Variants in PAX3 observed in about 807,000 individuals in gnomAD.
PAX3 encodes the protein paired box 3, also known as paired box protein Pax-3.
A neutral mutation model predicts 51.6 loss-of-function variants in PAX3; 14 were observed. The ratio of observed to expected loss-of-function variants is 0.27; its 90% confidence interval spans 0.18 to 0.42. The LOEUF (loss-of-function observed/expected upper bound fraction) is 0.42. Ranked by LOEUF, PAX3 falls within the 10% of genes least tolerant of loss-of-function variation. PAX3 has a pLI of 1.00. For synonymous variants in PAX3, 280 were observed against 253.4 expected (o/e 1.11, Z -1.00); for missense variants, 540 against 642.8 (o/e 0.84, Z 1.73).
intron 4 of PAX3, among the ~76,000 whole-genome samples, chr2:222,286,869 T>C (rs570111747): frequency 2.6e-5 from 4 of 152,378 alleles, no homozygotes; most frequent in Admixed American, 2.0e-4. Flanking sequence ...TCAATAACTA[T>C]ATTTCATGAT....
intron 4 of PAX3, among the ~76,000 whole-genome samples, chr2:222,251,091 TTTTA>T (rs61280457): frequency 9.2e-5 from 14 of 151,828 alleles, no homozygotes; most frequent in African/African-American, 3.4e-4. Flanking sequence ...CACAATACAT[TTTTA>T]TTTATTTATT....
chr2:222,240,211 C>T (rs962763442), intron 4 of PAX3, among the ~76,000 whole-genome samples: 1 of 152,118 alleles, frequency 6.6e-6, no homozygotes, highest in Non-Finnish European at 1.5e-5. Flanking sequence ...CCGTGTGCTC[C>T]GTTGCTCCGG....
chr2:222,221,666 A>G (rs1692198131), intron 5 of PAX3: 1 of 405,764 alleles, frequency 2.5e-6, no homozygotes, highest in African/African-American at 2.0e-5. Flanking sequence ...GAGCAGGAGT[A>G]GGAACAACAG....
At chr2:222,263,376 T>G (rs968984202) in intron 4 of PAX3, 1 of 152,168 alleles carries the variant, frequency 6.6e-6, no homozygotes, top group African/African-American at 2.4e-5. Flanking sequence ...TTGTCCAACA[T>G]CATTAGCCAT....
At chr2:222,259,294 A>G (rs1266428118) in intron 4 of PAX3, among the ~76,000 whole-genome samples, 2 of 152,236 alleles carry the variant, frequency 1.3e-5, no homozygotes, top group East Asian at 3.8e-4. Context: ...ACTTCCTGAT[A>G]CATTCTGCGA....
chr2:222,210,324 A>G (rs916831081), intron 7 of PAX3, among the ~76,000 whole-genome samples: 1 of 152,200 alleles, frequency 6.6e-6, no homozygotes, highest in Admixed American at 6.5e-5. Flanking sequence ...TTGATGGTAC[A>G]TGATGTTTTA....
chr2:222,211,348 C>T (rs1246227807), intron 7 of PAX3, among the ~76,000 whole-genome samples: 1 of 152,158 alleles, frequency 6.6e-6, no homozygotes, highest in African/African-American at 2.4e-5. Context: ...AAATGCACAG[C>T]TAGTAAGTGG....
At chr2:222,229,936 C>G (rs1349331736) in intron 5 of PAX3, among the ~76,000 whole-genome samples, 1 of 152,124 alleles carries the variant, frequency 6.6e-6, no homozygotes, top group Non-Finnish European at 1.5e-5. Flanking sequence ...ATAATCCCAG[C>G]ACTTTGGGAA....
intron 3 of PAX3, among the ~76,000 whole-genome samples, chr2:222,294,650 A>G (rs1213901639): frequency 6.6e-6 from 1 of 151,444 alleles, no homozygotes; most frequent in African/African-American, 2.4e-5. Context: ...TCTGCAATCT[A>G]AGAGAATTCT....
intron 4 of PAX3, among the ~76,000 whole-genome samples, chr2:222,239,955 A>G (rs974033696): frequency 1.3e-5 from 2 of 151,968 alleles, no homozygotes; most frequent in African/African-American, 2.4e-5. Context: ...GCAGTCCCCT[A>G]TTTTTTGGCT....
At chr2:222,256,366 C>T (rs45526833) in intron 4 of PAX3, among the ~76,000 whole-genome samples, 13 of 152,156 alleles carry the variant, frequency 8.5e-5, no homozygotes, top group African/African-American at 1.2e-4. Context: ...AGGAGCAGGA[C>T]GTCCTCTCAT....
chr2:222,250,110 G>T (rs183331450), intron 4 of PAX3, among the ~76,000 whole-genome samples: 58 of 152,188 alleles, frequency 3.8e-4, no homozygotes, highest in Non-Finnish European at 6.8e-4. Flanking sequence ...TTTATCACAG[G>T]TAGGGGGATC....
At chr2:222,286,197 C>A (rs893993729) in intron 4 of PAX3, among the ~76,000 whole-genome samples, 3 of 152,244 alleles carry the variant, frequency 2.0e-5, no homozygotes, top group East Asian at 3.8e-4. Flanking sequence ...CTCGGCCTCC[C>A]AAAGTGCTGG....
intron 7 of PAX3, among the ~76,000 whole-genome samples, chr2:222,206,142 T>C (rs7564011): frequency 0.071 from 10,731 of 152,036 alleles, 616 homozygotes; most frequent in Admixed American, 0.18. Flanking sequence ...GTACCAATTT[T>C]TTTTTTTTAA....
intron 4 of PAX3, among the ~76,000 whole-genome samples, chr2:222,260,578 G>GTTTTTTTTTTTTTTTTTTTTTT (rs1345531558): frequency 1.6e-5 from 1 of 61,692 alleles, no homozygotes; most frequent in Non-Finnish European, 3.2e-5. Context: ...TTTTTTTTTT[G>GTTTTTTTTTTTTTTTTTTTTTT]TTTTTTTTTT....
At chr2:222,235,250 A>G (rs1027900304) in intron 4 of PAX3, among the ~76,000 whole-genome samples, 4 of 152,212 alleles carry the variant, frequency 2.6e-5, no homozygotes, top group Admixed American at 2.0e-4. Context: ...TCCCCAGAAT[A>G]TAAACTGGGT....
chr2:222,208,279 A>G (rs1691590811), intron 7 of PAX3, among the ~76,000 whole-genome samples: 2 of 150,802 alleles, frequency 1.3e-5, no homozygotes, highest in Non-Finnish European at 3.0e-5. Flanking sequence ...AACATGTGCA[A>G]TATTGGGGGA....
intron 7 of PAX3, among the ~76,000 whole-genome samples, chr2:222,214,107 T>G (rs1691858944): frequency 6.6e-6 from 1 of 152,154 alleles, no homozygotes; most frequent in Admixed American, 6.6e-5. Context: ...CAACCATCAT[T>G]TTGCCTTGGC....
intron 4 of PAX3, among the ~76,000 whole-genome samples, chr2:222,266,018 G>A (rs1444195721): frequency 2.0e-5 from 3 of 152,160 alleles, no homozygotes; most frequent in East Asian, 1.9e-4. Context: ...CAGGTTTTGC[G>A]GAGCTTGAAG....
Sources: allele counts gnomAD v4.1 joint callset (sites outside exome capture counted in the v4.1 genomes callset), GRCh38; gene constraint gnomAD v4.1.1; transcripts MANE v1.5; gene names NCBI Gene and HGNC (gene_info 2026-07-23, HGNC 2026-07-21).